The following CAMKMT variants were observed in gnomAD, a reference collection of about 807,000 sequenced individuals.
CAMKMT encodes the protein calmodulin-lysine N-methyltransferase.
CAMKMT carries 53 observed loss-of-function variants against 48.0 expected under a neutral mutation model. The observed-to-expected ratio is 1.10, with a 90% confidence interval of 0.89 to 1.39. CAMKMT has a LOEUF of 1.39. Ranked by LOEUF, CAMKMT falls within the 40% of genes most tolerant of loss-of-function variation. The pLI is 0.00. For synonymous variants in CAMKMT, 165 were observed against 152.3 expected (o/e 1.08, Z -0.61); for missense variants, 428 against 402.7 (o/e 1.06, Z -0.54).
intron 3 of CAMKMT, among the ~76,000 whole-genome samples, chr2:44,523,846 C>T (rs1369588110): frequency 7.1e-6 from 1 of 141,304 alleles, no homozygotes; most frequent in African/African-American, 2.6e-5. Flanking sequence ...GGCGTGATCT[C>T]GGCTCACTGC....
chr2:44,542,470 A>G (rs530856047), intron 3 of CAMKMT, among the ~76,000 whole-genome samples: 1 of 149,550 alleles, frequency 6.7e-6, no homozygotes, highest in South Asian at 2.1e-4. Flanking sequence ...CTTAGAGTCT[A>G]ACTCAGGAGG....
intron 2 of CAMKMT, among the ~76,000 whole-genome samples, chr2:44,379,995 A>G (rs1194381348): frequency 6.6e-6 from 1 of 152,062 alleles, no homozygotes; most frequent in Non-Finnish European, 1.5e-5. Flanking sequence ...GAGGTGTAAC[A>G]TGTCTATTTT....
chr2:44,685,172 A>G (rs967029948), intron 3 of CAMKMT, among the ~76,000 whole-genome samples: 4 of 152,160 alleles, frequency 2.6e-5, no homozygotes, highest in African/African-American at 9.7e-5. Context: ...TGAAGGTGGG[A>G]TCAGCAAATT....
At chr2:44,471,944 G>A (rs112730300) in intron 3 of CAMKMT, among the ~76,000 whole-genome samples, 9,688 of 152,188 alleles carry the variant, frequency 0.064, 370 homozygotes, top group South Asian at 0.13. Context: ...GGCTCCCAAA[G>A]TGCTGGGATT....
intron 3 of CAMKMT, among the ~76,000 whole-genome samples, chr2:44,700,652 G>A (rs1004609142): frequency 6.6e-6 from 1 of 152,214 alleles, no homozygotes; most frequent in South Asian, 2.1e-4. Flanking sequence ...TTATATGGAC[G>A]CAATTCATGC....
At chr2:44,370,083 G>A (rs1558543367) in intron 1 of CAMKMT, 1 of 152,124 alleles carries the variant, frequency 6.6e-6, no homozygotes, top group Non-Finnish European at 1.5e-5. Context: ...AAGAGTTTAG[G>A]GTCTGTAGTC....
At chr2:44,406,924 T>C (rs1068714) in intron 3 of CAMKMT, among the ~76,000 whole-genome samples, 113,685 of 152,210 alleles carry the variant, frequency 0.75, 43,475 homozygotes, top group African/African-American at 0.87. Context: ...TTTTTTTATA[T>C]CTATGCTATT....
At chr2:44,467,163 A>C (rs551761149) in intron 3 of CAMKMT, among the ~76,000 whole-genome samples, 8 of 152,142 alleles carry the variant, frequency 5.3e-5, no homozygotes, top group African/African-American at 1.9e-4. Flanking sequence ...CTGAGGTGGG[A>C]GGATTGCTTG....
intron 3 of CAMKMT, among the ~76,000 whole-genome samples, chr2:44,454,336 A>G (rs1667448628): frequency 6.6e-6 from 1 of 152,100 alleles, no homozygotes; most frequent in African/African-American, 2.4e-5. Context: ...AAAATACATT[A>G]CTCAACGAAA....
chr2:44,621,575 A>G (rs563164947), intron 3 of CAMKMT, among the ~76,000 whole-genome samples: 2 of 152,348 alleles, frequency 1.3e-5, no homozygotes, highest in Admixed American at 6.5e-5. Context: ...AGCTGAAAGA[A>G]GGAATGTGTT....
chr2:44,379,662 A>G (rs751233888), intron 2 of CAMKMT, among the ~76,000 whole-genome samples: 4 of 151,522 alleles, frequency 2.6e-5, no homozygotes, highest in African/African-American at 4.9e-5. Flanking sequence ...GCATTTCTCT[A>G]TTGTCTAATG....
At chr2:44,521,282 A>C (rs957650973) in intron 3 of CAMKMT, among the ~76,000 whole-genome samples, 1 of 151,850 alleles carries the variant, frequency 6.6e-6, no homozygotes, top group Admixed American at 6.6e-5. Context: ...CTATTATCCC[A>C]ATATTTTTTT....
intron 3 of CAMKMT, among the ~76,000 whole-genome samples, chr2:44,445,407 C>T (rs1353122588): frequency 1.3e-5 from 2 of 152,126 alleles, no homozygotes; most frequent in Non-Finnish European, 2.9e-5. Context: ...AGCCATTCAT[C>T]TTCAGTTTGT....
intron 3 of CAMKMT, among the ~76,000 whole-genome samples, chr2:44,490,010 TCACA>T (rs975749765): frequency 6.6e-6 from 1 of 150,930 alleles, no homozygotes. Flanking sequence ...ACACGCACAC[TCACA>T]CACACACACA....
At chr2:44,571,186 G>A (rs1009275214) in intron 3 of CAMKMT, among the ~76,000 whole-genome samples, 6 of 152,114 alleles carry the variant, frequency 3.9e-5, no homozygotes, top group Admixed American at 2.6e-4. Context: ...GGGAATTTAA[G>A]AGATAAAATT....
At position 44,478,857 on chromosome 2, in the gene CAMKMT, C is replaced by T. The variant is rs1243540279; in HGVS notation, c.376+88552C>T. On this transcript the variant is annotated intron_variant, in intron 3 of 10. Coordinates refer to ENST00000378494, the MANE Select transcript of CAMKMT (RefSeq NM_024766.5). ...CCGGGACTACAGGCGCCCGCCACCA[C>T]GCCGGCTAATTTTTTGTATTTTTAG... 1.0e-3 allele frequency among the ~76,000 whole-genome samples: 155 copies of T among 152,134 alleles called. 1 individual carries two copies. Among genetic ancestry groups the T allele is most frequent in the Non-Finnish European group, 1.9e-4 (13 of 67,988 alleles).
chr2:44,472,445 G>C (rs1273680840), intron 3 of CAMKMT, among the ~76,000 whole-genome samples: 1 of 152,194 alleles, frequency 6.6e-6, no homozygotes, highest in Non-Finnish European at 1.5e-5. Flanking sequence ...TACTGTTGCT[G>C]TGAGGCTCAA....
intron 1 of CAMKMT, among the ~76,000 whole-genome samples, chr2:44,371,554 A>G (rs1679181157): frequency 2.0e-5 from 3 of 152,116 alleles, no homozygotes; most frequent in Admixed American, 1.3e-4. Context: ...GTTATTTTAT[A>G]TCTAAGATTT....
intron 7 of CAMKMT, among the ~76,000 whole-genome samples, chr2:44,724,212 AGT>A (rs1481846619): frequency 2.0e-5 from 3 of 152,178 alleles, no homozygotes. Context: ...TCAAAGCTGT[AGT>A]GTGTCATCAT....
Sources: allele counts gnomAD v4.1 joint callset (sites outside exome capture counted in the v4.1 genomes callset), GRCh38; gene constraint gnomAD v4.1.1; transcripts MANE v1.5; gene names NCBI Gene and HGNC (gene_info 2026-07-23, HGNC 2026-07-21).